Variants in GDPD5 observed in about 807,000 individuals in gnomAD.
GDPD5 encodes glycerophosphodiester phosphodiesterase domain containing 5, also known as glycerophosphodiester phosphodiesterase 2.
Under a neutral mutation model 75.1 loss-of-function variants are expected in GDPD5, and 48 were observed. The ratio of observed to expected loss-of-function variants is 0.64; its 90% CI spans 0.51 to 0.81. GDPD5 has a LOEUF of 0.81. Ranked by LOEUF, GDPD5 falls within the 40% of genes least tolerant of loss-of-function variation. The pLI, the probability that GDPD5 is intolerant of heterozygous loss-of-function variation, is 0.00. For synonymous variants in GDPD5, 336 were observed against 339.0 expected, an observed-to-expected ratio of 0.99 and a Z score of 0.10; for missense variants, 706 against 822.6, an observed-to-expected ratio of 0.86 and a Z score of 1.73.
intron 1 of GDPD5, among the ~76,000 whole-genome samples, chr11:75,518,892 C>A (rs906148670): frequency 2.6e-5 from 4 of 152,064 alleles, no homozygotes; most frequent in Non-Finnish European, 4.4e-5. Flanking sequence ...TTTAAAGAGT[C>A]CACTCGTTCA....
At chr11:75,511,356 G>C (rs548201597) in intron 1 of GDPD5, among the ~76,000 whole-genome samples, 1 of 152,306 alleles carries the variant, frequency 6.6e-6, no homozygotes, top group South Asian at 2.1e-4. Flanking sequence ...GGTGTGTCCA[G>C]ACCCTGCTCT....
At chr11:75,466,753 A>C (rs367785322) in intron 3 of GDPD5, among the ~76,000 whole-genome samples, 13 of 152,184 alleles carry the variant, frequency 8.5e-5, no homozygotes, top group African/African-American at 2.9e-4. Flanking sequence ...ATTTGCTGGC[A>C]CATGGCGGGC....
intron 1 of GDPD5, among the ~76,000 whole-genome samples, chr11:75,518,332 G>C (rs890301268): frequency 8.5e-5 from 13 of 152,336 alleles, no homozygotes; most frequent in East Asian, 3.9e-4. Context: ...GAAGGTCCTG[G>C]GGGGAGGAAG....
At chr11:75,483,250 A>G (rs1949956495) in intron 2 of GDPD5, among the ~76,000 whole-genome samples, 1 of 152,184 alleles carries the variant, frequency 6.6e-6, no homozygotes. Flanking sequence ...GCCCCTCCCC[A>G]GCCCAAAGTC....
In GDPD5 at chr11:75,435,429, G is replaced by T; in HGVS notation, c.*78C>A. On this transcript the variant is annotated 3_prime_UTR_variant, in exon 17 of 17. Transcript: ENST00000336898. The stretch of plus-strand genomic sequence containing the variant: ...GGAGCCCGCTCCCAGAGCACTCCGA[G>T]TTCAGACACACTTCCACCAGCTCTC... 7.2e-7 allele frequency: 1 copy of T among 1,380,380 alleles called. No individual in the cohort carries two copies. The highest frequency in any genetic ancestry group is 9.7e-7 in the Non-Finnish European group (1 of 1,028,578). The allele number at this position is 1,380,380 out of a possible 1,614,324, so 85.5% of individuals were successfully genotyped here. A position where few individuals can be genotyped will look rare whatever the true frequency, so the allele number is the denominator to read the frequency against.
At chr11:75,516,801 A>C (rs1381243971) in intron 1 of GDPD5, among the ~76,000 whole-genome samples, 4 of 152,220 alleles carry the variant, frequency 2.6e-5, no homozygotes, top group Non-Finnish European at 5.9e-5. Flanking sequence ...ACTCGTGCTC[A>C]AAGAGATAAA....
chr11:75,439,243 G>A, intron 15 of GDPD5: 1 of 434,868 alleles, frequency 2.3e-6, no homozygotes, highest in South Asian at 1.6e-5. Context: ...CCGGGCACAG[G>A]GCTTGGTGCA....
At chr11:75,520,141 C>A (rs971198585) in intron 1 of GDPD5, among the ~76,000 whole-genome samples, 1 of 152,198 alleles carries the variant, frequency 6.6e-6, no homozygotes, top group South Asian at 2.1e-4. Context: ...CCAGCTAAGT[C>A]CCCCTAAGGG....
intron 1 of GDPD5, among the ~76,000 whole-genome samples, chr11:75,497,883 C>A (rs1194180477): frequency 6.6e-6 from 1 of 152,136 alleles, no homozygotes; most frequent in Non-Finnish European, 1.5e-5. Context: ...TGATCACCGG[C>A]AAATCACTTC....
chr11:75,521,101 C>T (rs1346966985), intron 1 of GDPD5, among the ~76,000 whole-genome samples: 1 of 152,200 alleles, frequency 6.6e-6, no homozygotes, highest in Non-Finnish European at 1.5e-5. Context: ...GCTGGAGCTA[C>T]AGGGGAGCTC....
chr11:75,466,818 G>A (rs368595862), intron 3 of GDPD5, among the ~76,000 whole-genome samples: 12 of 152,264 alleles, frequency 7.9e-5, no homozygotes, highest in East Asian at 3.9e-4. Flanking sequence ...GGCTCAACAC[G>A]GGTGAGTGGA....
chr11:75,482,193 A>T (rs1949932249), intron 2 of GDPD5, among the ~76,000 whole-genome samples: 2 of 152,166 alleles, frequency 1.3e-5, no homozygotes, highest in Admixed American at 1.3e-4. Flanking sequence ...AAAAGAGGGA[A>T]GTAGAAGTGC....
chr11:75,510,925 G>GC (rs1950505238), intron 1 of GDPD5, among the ~76,000 whole-genome samples: 1 of 152,216 alleles, frequency 6.6e-6, no homozygotes, highest in Non-Finnish European at 1.5e-5. Flanking sequence ...CCCACCCAAA[G>GC]CAACGACCCA....
chr11:75,510,335 C>T (rs1437165572), intron 1 of GDPD5, among the ~76,000 whole-genome samples: 2 of 152,168 alleles, frequency 1.3e-5, no homozygotes, highest in Admixed American at 6.5e-5. Context: ...GTGAGGAACC[C>T]GAGGCCTACA....
At chr11:75,478,936 C>A (rs1345167020) in intron 2 of GDPD5, among the ~76,000 whole-genome samples, 8 of 152,220 alleles carry the variant, frequency 5.3e-5, no homozygotes, top group Non-Finnish European at 1.2e-4. Flanking sequence ...CTAGGAACTG[C>A]TCTAGTGCCC....
At chr11:75,481,937 T>A (rs1242715173) in intron 2 of GDPD5, among the ~76,000 whole-genome samples, 1 of 152,042 alleles carries the variant, frequency 6.6e-6, no homozygotes, top group African/African-American at 2.4e-5. Context: ...TTGACTTCTA[T>A]AGGACACACA....
chr11:75,515,875 G>A (rs664575), intron 1 of GDPD5: 17,673 of 152,304 alleles, frequency 0.12, 1,309 homozygotes, highest in Admixed American at 0.18. Flanking sequence ...TCCTCTCGCC[G>A]AGGTGTCTGT....
chr11:75,503,823 C>T (rs1268138896), intron 1 of GDPD5, among the ~76,000 whole-genome samples: 1 of 152,188 alleles, frequency 6.6e-6, no homozygotes, highest in Non-Finnish European at 1.5e-5. Flanking sequence ...CATTGGCCTC[C>T]ACCCACTACA....
chr11:75,472,519 T>G (rs1949691948), intron 3 of GDPD5, among the ~76,000 whole-genome samples: 1 of 152,090 alleles, frequency 6.6e-6, no homozygotes, highest in Non-Finnish European at 1.5e-5. Context: ...GAGGTCCCTC[T>G]GGCTGAGGCA....
Sources: gnomAD v4.1 joint callset for allele counts (sites outside exome capture counted in the v4.1 genomes callset) on GRCh38, gnomAD v4.1.1 for gene constraint, MANE v1.5 for transcripts, NCBI Gene and HGNC (gene_info 2026-07-23, HGNC 2026-07-21) for gene names.